The following WRN variants were observed in gnomAD, a reference collection of about 807,000 sequenced individuals.
WRN encodes bifunctional 3'-5' exonuclease/ATP-dependent helicase WRN.
WRN carries 149 observed loss-of-function variants against 180.7 expected under a neutral mutation model. That is an observed-to-expected ratio of 0.82 (90% CI 0.72 to 0.94). WRN has a LOEUF of 0.94. Ranked by LOEUF, WRN falls within the 40% of genes least tolerant of loss-of-function variation. The pLI is 0.00. For synonymous variants in WRN, 548 were observed against 568.9 expected, an observed-to-expected ratio of 0.96 and a Z score of 0.52; for missense variants, 1,661 against 1,700.1, an observed-to-expected ratio of 0.98 and a Z score of 0.40.
At chr8:31,092,496 T>C (rs1813788848) in intron 16 of WRN, among the ~76,000 whole-genome samples, 1 of 151,724 alleles carries the variant, frequency 6.6e-6, no homozygotes, top group Non-Finnish European at 1.5e-5. Flanking sequence ...TGTACACTTA[T>C]ATATACATAC....
intron 3 of WRN, among the ~76,000 whole-genome samples, chr8:31,063,485 A>G (rs1812572787): frequency 6.6e-6 from 1 of 152,224 alleles, no homozygotes; most frequent in Admixed American, 6.5e-5. Flanking sequence ...AAAACTTGCC[A>G]GGTCATAGTG....
chr8:31,174,891 T>C lies in WRN; in HGVS notation c.*1789T>C, dbSNP rs1006491367. Among the ~76,000 whole-genome samples, 3 of 144,118 alleles carry C rather than the reference T, an allele frequency of 2.1e-5. No individual in the cohort carries two copies. The highest frequency in any genetic ancestry group is 5.1e-5 in the African/African-American group (2 of 39,282). The allele number at this position is 144,118 out of a possible 152,430, so 94.5% of individuals were successfully genotyped here. On this transcript the variant is annotated 3_prime_UTR_variant, in exon 35 of 35. Coordinates refer to ENST00000298139, the MANE Select transcript of WRN (RefSeq NM_000553.6). ...CTCTTTCTTTCTTTCTTTCTCTCTC[T>C]CTCTCTCTTTCTTTCTTTTTCTTTC...
intron 1 of WRN, among the ~76,000 whole-genome samples, chr8:31,044,065 G>A (rs1014721728): frequency 6.6e-6 from 1 of 150,570 alleles, no homozygotes; most frequent in African/African-American, 2.4e-5. Flanking sequence ...TTTTTTAGAC[G>A]GAGTCTCACT....
intron 30 of WRN, among the ~76,000 whole-genome samples, chr8:31,147,938 A>G (rs1182430769): frequency 7.4e-6 from 1 of 134,806 alleles, no homozygotes; most frequent in Admixed American, 8.3e-5. Context: ...CCCAGGCTGG[A>G]GTGTAGTGGT....
Position 31,118,131 on chromosome 8 carries a change from G to A in WRN, c.2448+1603G>A, listed in dbSNP as rs2113952. Reference sequence around the variant, plus strand: ...TGTGACAGGAGACTTTGTTGGATGCGCCTGATTTTCCTGCCAATTCACAGC... The same window carrying A: ...TGTGACAGGAGACTTTGTTGGATGCACCTGATTTTCCTGCCAATTCACAGC... On this transcript the variant is annotated intron_variant, in intron 20 of 34. Transcript: ENST00000298139. Among the ~76,000 whole-genome samples the A allele has an allele frequency of 2.8e-3, 420 of 152,112 alleles. 1 individual carries two copies. The highest frequency in any genetic ancestry group is 4.6e-3 in the Non-Finnish European group (312 of 67,960).
intron 9 of WRN, among the ~76,000 whole-genome samples, chr8:31,082,758 G>A (rs1184923794): frequency 6.6e-6 from 1 of 151,806 alleles, no homozygotes; most frequent in Non-Finnish European, 1.5e-5. Context: ...CACCACACCC[G>A]GCTAATTTTT....
intron 1 of WRN, among the ~76,000 whole-genome samples, chr8:31,056,404 G>A (rs1010176161): frequency 1.3e-5 from 2 of 152,112 alleles, no homozygotes; most frequent in Non-Finnish European, 2.9e-5. Flanking sequence ...TACACTTATT[G>A]ATAACCAGTG....
At chr8:31,081,358 G>A (rs1167751600) in intron 9 of WRN, 62 bp downstream of exon 9, 27 of 1,538,830 alleles carry the variant, frequency 1.8e-5, no homozygotes, top group Admixed American at 5.3e-5. Flanking sequence ...CTTTATTCCC[G>A]TAAAGAGACA....
intron 33 of WRN, among the ~76,000 whole-genome samples, chr8:31,162,647 G>A (rs1234226713): frequency 6.6e-6 from 1 of 152,192 alleles, no homozygotes; most frequent in African/African-American, 2.4e-5. Context: ...AGGTGAGTTT[G>A]TTTACACCAT....
intron 1 of WRN, among the ~76,000 whole-genome samples, chr8:31,040,479 T>C (rs1238550045): frequency 1.3e-5 from 2 of 152,100 alleles, no homozygotes; most frequent in African/African-American, 4.8e-5. Context: ...CAGCAGAGTA[T>C]ACTGAAAAGG....
chr8:31,174,662 CACT>C lies in WRN; in HGVS notation c.*1574_*1576del, dbSNP rs970955283. Among the ~76,000 whole-genome samples the C allele has an allele frequency of 6.6e-5, 10 of 152,152 alleles. No individual in the cohort carries two copies. The highest frequency in any genetic ancestry group is 2.4e-4 in the African/African-American group (10 of 41,522). On this transcript the variant is annotated 3_prime_UTR_variant, in exon 35 of 35. Coordinates refer to ENST00000298139, the MANE Select transcript of WRN (RefSeq NM_000553.6). ...AAAGACTTCTCTTTCTCTTCGCTTTCACTACTACTACTACTAATTCTTCTTCTG... is the reference window on the plus strand; with the variant it reads ...AAAGACTTCTCTTTCTCTTCGCTTTCACTACTACTACTAATTCTTCTTCTG...
At chr8:31,065,260 T>C (rs1020078953) in intron 5 of WRN, among the ~76,000 whole-genome samples, 197 bp downstream of exon 5, 10 of 152,190 alleles carry the variant, frequency 6.6e-5, no homozygotes, top group African/African-American at 2.4e-4. Context: ...TGTTTCAAGA[T>C]CGGGGTACAT....
At chr8:31,059,113 T>C in intron 2 of WRN, 40 bp from the exon 3 acceptor site, 1 of 1,392,700 alleles carries the variant, frequency 7.2e-7, no homozygotes, top group South Asian at 1.2e-5. Context: ...TGTTATTTGA[T>C]GTGAACTTTG....
intron 18 of WRN, among the ~76,000 whole-genome samples, chr8:31,103,417 G>T (rs1049086918): frequency 6.6e-6 from 1 of 152,194 alleles, no homozygotes; most frequent in Non-Finnish European, 1.5e-5. Context: ...CACCACAAAC[G>T]TGAGCAGTGC....
intron 33 of WRN, 69 bp downstream of exon 33, chr8:31,157,599 T>C: frequency 6.3e-7 from 1 of 1,584,642 alleles, no homozygotes; most frequent in Non-Finnish European, 8.6e-7. Flanking sequence ...CACTATATTT[T>C]TCACTGTTAA....
At position 31,132,375 on chromosome 8, in the gene WRN, T is replaced by C. The variant is rs1054530932; in HGVS notation, c.2836T>C (p.Cys946Arg). ...ATTATTTTTATTTAGATTGGATCAT[T>C]GCTATTCCATGGATGACTCAGAGGA... is the stretch of plus-strand genomic sequence containing the variant. ...CDNCRSRLDH[C>R]YSMDDSEDTS... Residue 946 changes from cysteine to arginine, a missense_variant, in exon 24 of 35, where the codon TGC becomes CGC. Coordinates refer to ENST00000298139, the MANE Select transcript of WRN (RefSeq NM_000553.6). 4 of 1,614,016 alleles carry C rather than the reference T, an allele frequency of 2.5e-6. No individual in the cohort carries two copies. Among genetic ancestry groups the C allele is most frequent in the Non-Finnish European group, 3.4e-6 (4 of 1,179,992 alleles).
At chr8:31,156,233 G>A (rs1803380311) in intron 32 of WRN, among the ~76,000 whole-genome samples, 1 of 152,098 alleles carries the variant, frequency 6.6e-6, no homozygotes, top group African/African-American at 2.4e-5. Flanking sequence ...CCATAATATG[G>A]GGTTTCATGT....
At chr8:31,096,460 G>T (rs1813981796) in intron 16 of WRN, among the ~76,000 whole-genome samples, 1 of 152,124 alleles carries the variant, frequency 6.6e-6, no homozygotes, top group Admixed American at 6.6e-5. Context: ...ATGTCTCATA[G>T]ATCCCACTCA....
Position 31,062,000 on chromosome 8 carries a change from T to C in WRN, c.210-2289T>C, listed in dbSNP as rs190026106. Among the ~76,000 whole-genome samples, 32 of 152,278 alleles carry C rather than the reference T, an allele frequency of 2.1e-4. 1 individual carries two copies. In the East Asian group the frequency reaches 5.6e-3, roughly 27 times the overall value. On this transcript the variant is annotated intron_variant, in intron 3 of 34. Transcript: ENST00000298139. ...CTCTGCCCCGTGAGTTCCAGGTCCT[T>C]CAGCTTCCAGGGCTCTGAACTCTGT... is the stretch of plus-strand genomic sequence containing the variant.
Sources: allele counts gnomAD v4.1 joint callset (sites outside exome capture counted in the v4.1 genomes callset), GRCh38; gene constraint gnomAD v4.1.1; transcripts MANE v1.5; gene names NCBI Gene and HGNC (gene_info 2026-07-23, HGNC 2026-07-21).